The following SLC35F1 variants were observed in gnomAD, a reference collection of about 807,000 sequenced individuals.
SLC35F1 encodes the protein chromosome 6 open reading frame 169.
In SLC35F1, 14 loss-of-function variants were observed where a neutral mutation model predicts 48.7. The ratio of observed to expected loss-of-function variants is 0.29; its 90% CI spans 0.19 to 0.45. The LOEUF (loss-of-function observed/expected upper bound fraction) is 0.45, where lower values mean the gene tolerates loss of function less well. Among genes scored for constraint, SLC35F1 ranks in the 20% least tolerant of loss-of-function variants. The probability of loss-of-function intolerance (pLI) is 1.00; values close to 1 mark genes in which losing one functional copy is unlikely to be tolerated. For missense variants in SLC35F1, 404 were observed against 500.0 expected (o/e 0.81, Z 1.83); for synonymous variants, 190 against 202.2 (o/e 0.94, Z 0.51).
intron 1 of SLC35F1, among the ~76,000 whole-genome samples, chr6:118,129,911 A>C (rs1773685133): frequency 6.6e-6 from 1 of 152,202 alleles, no homozygotes; most frequent in Non-Finnish European, 1.5e-5. Flanking sequence ...ACTGGCTATG[A>C]GAACACTGGG....
At chr6:117,966,987 T>G (rs1002617492) in intron 1 of SLC35F1, among the ~76,000 whole-genome samples, 2 of 152,166 alleles carry the variant, frequency 1.3e-5, no homozygotes, top group African/African-American at 2.4e-5. Context: ...ACTTTGATAT[T>G]TTTGATTTGT....
At chr6:118,193,491 A>G (rs1323873342) in intron 2 of SLC35F1, among the ~76,000 whole-genome samples, 1 of 152,172 alleles carries the variant, frequency 6.6e-6, no homozygotes, top group Non-Finnish European at 1.5e-5. Context: ...TATCCTATCT[A>G]ATATAAAACA....
intron 3 of SLC35F1, among the ~76,000 whole-genome samples, chr6:118,262,429 T>C (rs1775724904): frequency 6.6e-6 from 1 of 152,256 alleles, no homozygotes; most frequent in East Asian, 1.9e-4. Context: ...GAGGGGAAAT[T>C]AAATGACGCT....
Position 118,243,846 on chromosome 6 carries a change from T to C in SLC35F1, c.477+8210T>C, listed in dbSNP as rs79487806. Among the ~76,000 whole-genome samples the C allele has an allele frequency of 3.6e-3, 552 of 152,338 alleles. 5 individuals carry two copies. The highest frequency in any genetic ancestry group is 0.025 in the East Asian group (128 of 5,180). ...CTTCTTTATCCTTGCTGTTTTTACC[T>C]GTCCCTGATGCAGGACTATGGAAGT... On this transcript the variant is annotated intron_variant, in intron 3 of 7. Transcript: ENST00000360388.
chr6:117,990,075 G>A (rs960850334), intron 1 of SLC35F1, among the ~76,000 whole-genome samples: 1 of 152,076 alleles, frequency 6.6e-6, no homozygotes, highest in African/African-American at 2.4e-5. Flanking sequence ...TGGCACCTGA[G>A]AGTTTTTATT....
intron 1 of SLC35F1, 102 bp from the exon 2 acceptor site, chr6:118,154,343 T>G: frequency 2.1e-6 from 2 of 949,076 alleles, no homozygotes; most frequent in East Asian, 4.9e-5. Flanking sequence ...TTAATTGCAC[T>G]TAATCCAGTG....
intron 2 of SLC35F1, among the ~76,000 whole-genome samples, chr6:118,224,044 A>T (rs1016628798): frequency 6.6e-6 from 1 of 152,236 alleles, no homozygotes; most frequent in Non-Finnish European, 1.5e-5. Context: ...AAATAGGGTC[A>T]CTTTTCACAA....
At chr6:118,154,342 C>A (rs1774107917) in intron 1 of SLC35F1, 103 bp from the exon 2 acceptor site, 1 of 939,490 alleles carries the variant, frequency 1.1e-6, no homozygotes, top group Non-Finnish European at 1.6e-6. Context: ...TTTAATTGCA[C>A]TTAATCCAGT....
In SLC35F1 at chr6:118,169,978, T is replaced by C. The variant is rs1774377427; in HGVS notation, c.349+15358T>C. 3.3e-5 allele frequency among the ~76,000 whole-genome samples: 5 copies of C among 152,186 alleles called. No individual in the cohort carries two copies. In the South Asian group the frequency reaches 1.0e-3, roughly 31 times the overall value. On this transcript the variant is annotated intron_variant, in intron 2 of 7. Transcript: ENST00000360388. ...CTAGTTGAGGAAAGGAGGCCAAAGATGTACTATGCTAATTTTTGTTCTTTG... is the reference window on the plus strand; with the variant it reads ...CTAGTTGAGGAAAGGAGGCCAAAGACGTACTATGCTAATTTTTGTTCTTTG...
intron 1 of SLC35F1, among the ~76,000 whole-genome samples, chr6:117,940,551 A>C (rs1776217280): frequency 6.6e-6 from 1 of 152,220 alleles, no homozygotes; most frequent in African/African-American, 2.4e-5. Flanking sequence ...CCCCATGTTC[A>C]TTACAAGATT....
At chr6:118,249,352 A>G (rs1582751620) in intron 3 of SLC35F1, among the ~76,000 whole-genome samples, 2 of 152,178 alleles carry the variant, frequency 1.3e-5, no homozygotes, top group Admixed American at 6.5e-5. Flanking sequence ...TAAGGTGCCA[A>G]TTCTCCCAAT....
At chr6:117,940,780 C>G (rs1313897082) in intron 1 of SLC35F1, among the ~76,000 whole-genome samples, 1 of 152,038 alleles carries the variant, frequency 6.6e-6, no homozygotes, top group Non-Finnish European at 1.5e-5. Flanking sequence ...ACACGAGTAG[C>G]TGGGACTACA....
chr6:117,985,347 C>T (rs952637528), intron 1 of SLC35F1, among the ~76,000 whole-genome samples: 2 of 152,170 alleles, frequency 1.3e-5, no homozygotes, highest in African/African-American at 4.8e-5. Flanking sequence ...TTAAATGTCT[C>T]TGTTTTTAAT....
Position 118,053,596 on chromosome 6 carries a change from T to C in SLC35F1, c.174-100849T>C, listed in dbSNP as rs577948633. 6.6e-5 allele frequency among the ~76,000 whole-genome samples: 10 copies of C among 152,314 alleles called. No homozygotes were observed. In the East Asian group the frequency reaches 9.6e-4, roughly 15 times the overall value. On this transcript the variant is annotated intron_variant, in intron 1 of 7. Transcript: ENST00000360388. Reference sequence around the variant, plus strand: ...ACCAATTATAATCATAGTGAACATATAACTTAATATTTATTTTTCACTTAA... The same window carrying C: ...ACCAATTATAATCATAGTGAACATACAACTTAATATTTATTTTTCACTTAA...
intron 3 of SLC35F1, among the ~76,000 whole-genome samples, chr6:118,244,936 A>C (rs892631476): frequency 5.3e-5 from 8 of 152,250 alleles, no homozygotes; most frequent in African/African-American, 1.7e-4. Context: ...TGGGCAAGGC[A>C]ACACAAGTGA....
intron 1 of SLC35F1, among the ~76,000 whole-genome samples, chr6:118,042,565 G>T (rs1342861820): frequency 2.0e-5 from 3 of 152,308 alleles, no homozygotes; most frequent in African/African-American, 7.2e-5. Context: ...AGTTGCAGAT[G>T]ATTGTACAGG....
intron 1 of SLC35F1, among the ~76,000 whole-genome samples, chr6:118,097,915 T>C (rs1052668672): frequency 4.6e-5 from 7 of 152,222 alleles, no homozygotes; most frequent in Non-Finnish European, 1.0e-4. Context: ...TATAAATAGA[T>C]TTATTTCTTA....
intron 1 of SLC35F1, among the ~76,000 whole-genome samples, chr6:117,963,456 G>A (rs557620251): frequency 4.6e-5 from 7 of 151,732 alleles, no homozygotes; most frequent in African/African-American, 1.2e-4. Context: ...TTACATGTGC[G>A]CATTCTAAGG....
At chr6:117,969,914 G>A (rs1043212398) in intron 1 of SLC35F1, among the ~76,000 whole-genome samples, 4 of 152,148 alleles carry the variant, frequency 2.6e-5, no homozygotes, top group African/African-American at 9.7e-5. Context: ...TAGGGTTTTT[G>A]ATACATATTG....
Sources: gnomAD v4.1 joint callset for allele counts (sites outside exome capture counted in the v4.1 genomes callset) on GRCh38, gnomAD v4.1.1 for gene constraint, MANE v1.5 for transcripts, NCBI Gene and HGNC (gene_info 2026-07-23, HGNC 2026-07-21) for gene names.